NICN1: variants seen among roughly 807,000 people sequenced by gnomAD.
The protein encoded by NICN1 is nicolin-1.
A neutral mutation model predicts 26.3 loss-of-function variants in NICN1; 18 were observed. That is an observed-to-expected ratio of 0.68 (90% CI 0.47 to 1.01). The LOEUF (loss-of-function observed/expected upper bound fraction) is 1.01, where lower values mean the gene tolerates loss of function less well. NICN1 is among the 50% of genes least tolerant of loss of function. The pLI is 0.00. For synonymous variants in NICN1, 109 were observed against 111.0 expected, an observed-to-expected ratio of 0.98 and a Z score of 0.11; for missense variants, 239 against 278.3, an observed-to-expected ratio of 0.86 and a Z score of 1.00.
intron 1 of NICN1, among the ~76,000 whole-genome samples, chr3:49,426,865 G>A (rs2049174369): frequency 6.6e-6 from 1 of 152,082 alleles, no homozygotes; most frequent in Non-Finnish European, 1.5e-5. Context: ...CCTTCCTAAA[G>A]GTGCTCACAG....
At position 49,424,693 on chromosome 3, in the gene NICN1, T is replaced by C; in HGVS notation, c.*140A>G. The C allele has an allele frequency of 1.3e-6, 1 of 743,594 alleles. No individual in the cohort carries two copies. The highest frequency in any genetic ancestry group is 1.5e-5 in the South Asian group (1 of 65,424). 46.1% of individuals were successfully genotyped at this position (743,594 alleles called of 1,614,324 possible). A position where few individuals can be genotyped will look rare whatever the true frequency, so the allele number is the denominator to read the frequency against. Reference sequence around the variant, plus strand: ...TAACACGGTAAGCCCCTGAGAATCCTGAATCTGTGAATGTGGCCCAGACAG... The same window carrying C: ...TAACACGGTAAGCCCCTGAGAATCCCGAATCTGTGAATGTGGCCCAGACAG... On this transcript the variant is annotated 3_prime_UTR_variant, in exon 6 of 6. Transcript: ENST00000273598.
intron 3 of NICN1, 42 bp downstream of exon 3, chr3:49,425,841 T>G: frequency 9.0e-7 from 1 of 1,116,240 alleles, no homozygotes; most frequent in African/African-American, 1.5e-5. Flanking sequence ...CATAGAAGCT[T>G]TCTGGGGAAA....
In NICN1 at chr3:49,422,766, A is replaced by G. The variant is rs562256798; in HGVS notation, c.*2067T>C. 6.2e-6 allele frequency: 3 copies of G among 481,286 alleles called. No homozygotes were observed. Among genetic ancestry groups the G allele is most frequent in the African/African-American group, 5.9e-5 (3 of 51,182 alleles). The allele number at this position is 481,286 out of a possible 1,614,324, so 29.8% of individuals were successfully genotyped here. A position where few individuals can be genotyped will look rare whatever the true frequency, so the allele number is the denominator to read the frequency against. On this transcript the variant is annotated 3_prime_UTR_variant, in exon 6 of 6. Coordinates refer to ENST00000273598, the MANE Select transcript of NICN1 (RefSeq NM_032316.3). ...AACCGCCCTGTCTCCAGAGGGTCAA[A>G]GTTCTGGAAAGGGCTGAAAGGTCTG...
rs1370306594 is a variant in NICN1 at position 49,422,816 on chromosome 3, G to A, written c.*2017C>T. On this transcript the variant is annotated 3_prime_UTR_variant, in exon 6 of 6. Coordinates refer to ENST00000273598, the MANE Select transcript of NICN1 (RefSeq NM_032316.3). ...GAATCATACCTTTAGGACCTCAAGAGAGTAAGGTCAAGTGGGGGTGGGGAA... is the reference window on the plus strand; with the variant it reads ...GAATCATACCTTTAGGACCTCAAGAAAGTAAGGTCAAGTGGGGGTGGGGAA... 2 of 384,820 alleles carry A rather than the reference G, an allele frequency of 5.2e-6. No individual in the cohort carries two copies. Among genetic ancestry groups the A allele is most frequent in the East Asian group, 1.3e-4 (2 of 15,642 alleles). The allele number at this position is 384,820 out of a possible 1,614,324, so 23.8% of individuals were successfully genotyped here. A position where few individuals can be genotyped will look rare whatever the true frequency, so the allele number is the denominator to read the frequency against.
At chr3:49,425,331 A>G in intron 4 of NICN1, 36 bp downstream of exon 4, 1 of 1,563,440 alleles carries the variant, frequency 6.4e-7, no homozygotes, top group Non-Finnish European at 8.8e-7. Flanking sequence ...CACTAGAGCC[A>G]TTCACACATG....
chr3:49,422,440 G>A lies in NICN1; in HGVS notation c.*2393C>T. On this transcript the variant is annotated 3_prime_UTR_variant, in exon 6 of 6. Coordinates refer to ENST00000273598, the MANE Select transcript of NICN1 (RefSeq NM_032316.3). ...GCCCAGACGGGCCACCACACTTACA[G>A]CCCTCTGCATCGTCGCCTGCAACGA... 6.2e-7 allele frequency: 1 copy of A among 1,613,246 alleles called. No homozygotes were observed. The highest frequency in any genetic ancestry group is 2.2e-5 in the East Asian group (1 of 44,874).
In NICN1 at chr3:49,425,441, G is replaced by T; in HGVS notation, c.424-3C>A. 2 of 1,608,618 alleles carry T rather than the reference G, an allele frequency of 1.2e-6. No homozygotes were observed. Among genetic ancestry groups the T allele is most frequent in the Admixed American group, 1.7e-5 (1 of 59,216 alleles). On this transcript the variant is annotated splice_polypyrimidine_tract_variant and splice_region_variant and intron_variant, in intron 3 of 5. Transcript: ENST00000273598. ...TTGGGAAAGGTCACGGAGGGGCTCT[G>T]CAAAGCAAAGATGTACTGCCCTGAG...
Position 49,429,120 on chromosome 3 carries a change from G to C in NICN1, c.120C>G (p.Val40=). The stretch of plus-strand genomic sequence containing the variant: ...CAGGCTTGCTCACCTCGAAGGGAGC[G>C]ACGCTGGGGAAGGTGACATCGATGA... ...VLVIDVTFPS[V]APFELQEITF... is the part of the protein sequence containing the mutation. Residue 40 remains valine (V), a synonymous_variant, in exon 1 of 6, where the codon GTC becomes GTG. Transcript: ENST00000273598. The C allele has an allele frequency of 1.2e-6, 2 of 1,607,182 alleles. No homozygotes were observed. The highest frequency in any genetic ancestry group is 1.3e-5 in the African/African-American group (1 of 74,454).
intron 1 of NICN1, among the ~76,000 whole-genome samples, chr3:49,428,449 C>T (rs543821358): frequency 6.2e-4 from 94 of 151,800 alleles, no homozygotes; most frequent in Non-Finnish European, 1.0e-3. Flanking sequence ...TGGCCGGGTG[C>T]GGTGGCTCAA....
At position 49,422,642 on chromosome 3, in the gene NICN1, G is replaced by T. The variant is rs930117335; in HGVS notation, c.*2191C>A. The T allele has an allele frequency of 1.5e-5, 11 of 715,900 alleles. No individual in the cohort carries two copies. The highest frequency in any genetic ancestry group is 2.5e-5 in the Non-Finnish European group (10 of 399,878). The allele number at this position is 715,900 out of a possible 1,614,324, so 44.3% of individuals were successfully genotyped here. A position where few individuals can be genotyped will look rare whatever the true frequency, so the allele number is the denominator to read the frequency against. ...AGGAACCCGCAACCACAGGGAAGAA[G>T]CCTCCAGCTCTTTCGGCTGACTCTT... On this transcript the variant is annotated 3_prime_UTR_variant, in exon 6 of 6. Transcript: ENST00000273598.
At chr3:49,425,186 A>G in intron 4 of NICN1, 133 bp from the exon 5 acceptor site, 1 of 834,156 alleles carries the variant, frequency 1.2e-6, no homozygotes, top group Non-Finnish European at 2.0e-6. Flanking sequence ...ATGAAACATG[A>G]GGTTAGGGCC....
rs1218577867 is a variant in NICN1, at chr3:49,424,582, G to A, written c.*251C>T. 1 of 598,356 alleles carries A rather than the reference G, an allele frequency of 1.7e-6. No individual in the cohort carries two copies. Among genetic ancestry groups the A allele is most frequent in the Non-Finnish European group, 3.0e-6 (1 of 336,656 alleles). 37.1% of individuals were successfully genotyped at this position (598,356 alleles called of 1,614,324 possible). A position where few individuals can be genotyped will look rare whatever the true frequency, so the allele number is the denominator to read the frequency against. On this transcript the variant is annotated 3_prime_UTR_variant, in exon 6 of 6. Coordinates refer to ENST00000273598, the MANE Select transcript of NICN1 (RefSeq NM_032316.3). ...TCAGGGATTCTCAGTAAGTACAACT[G>A]ACTGGAGTGTTTTTGGGTAGAAGGA...
Position 49,422,855 on chromosome 3 carries a change from G to A in NICN1, c.*1978C>T. On this transcript the variant is annotated 3_prime_UTR_variant, in exon 6 of 6. Coordinates refer to ENST00000273598, the MANE Select transcript of NICN1 (RefSeq NM_032316.3). ...GGGGGTGGGGAAGGTGGGCCAGCCT[G>A]GCAGGTAGGCAGCACCACAGTAGTC... 2.8e-6 allele frequency: 1 copy of A among 359,204 alleles called. No homozygotes were observed. The highest frequency in any genetic ancestry group is 5.4e-6 in the Non-Finnish European group (1 of 183,502). 22.3% of individuals were successfully genotyped at this position (359,204 alleles called of 1,614,324 possible). A position where few individuals can be genotyped will look rare whatever the true frequency, so the allele number is the denominator to read the frequency against.
At chr3:49,425,342 G>T (rs745750636) in intron 4 of NICN1, 25 bp downstream of exon 4, 8 of 1,595,786 alleles carry the variant, frequency 5.0e-6, no homozygotes, top group Admixed American at 3.4e-5. Flanking sequence ...TTCACACATG[G>T]TTCTTACCTA....
chr3:49,425,016 T>C lies in NICN1; in HGVS notation c.533A>G (p.Gln178Arg). ...PDPSRVSSEV[Q>R]QMWALTEMIR... ...CATCTCTGTCAGTGCCCACATCTGCTGCACCTCGGAGGATACCCTGCTGGG... is the reference window on the plus strand; with the variant it reads ...CATCTCTGTCAGTGCCCACATCTGCCGCACCTCGGAGGATACCCTGCTGGG... Residue 178 changes from glutamine (Q) to arginine (R), a missense_variant, in exon 5 of 6, where the codon CAG becomes CGG. Transcript: ENST00000273598. 1.9e-6 allele frequency: 3 copies of C among 1,614,130 alleles called. No homozygotes were observed. Among genetic ancestry groups the C allele is most frequent in the Non-Finnish European group, 2.5e-6 (3 of 1,180,028 alleles).
intron 1 of NICN1, 66 bp from the exon 2 acceptor site, chr3:49,426,494 T>G (rs764753308): frequency 2.5e-6 from 3 of 1,201,108 alleles, no homozygotes; most frequent in Admixed American, 2.1e-5. Flanking sequence ...AGCTCAAAGA[T>G]CAAAGGTGCC....
Position 49,429,260 on chromosome 3 carries a change from A to T in NICN1, c.-21T>A. 2 of 1,578,512 alleles carry T rather than the reference A, an allele frequency of 1.3e-6. No individual in the cohort carries two copies. The highest frequency in any genetic ancestry group is 1.7e-6 in the Non-Finnish European group (2 of 1,159,858). On this transcript the variant is annotated 5_prime_UTR_variant, in exon 1 of 6. Transcript: ENST00000273598. ...GACATGGTGACAGCAGCCGCAACTA[A>T]GTGCAACCGCCGCTCTAGGCCCCCG...
chr3:49,427,058 A>G (rs1575312776), intron 1 of NICN1, among the ~76,000 whole-genome samples: 1 of 152,298 alleles, frequency 6.6e-6, no homozygotes, highest in African/African-American at 2.4e-5. Flanking sequence ...ACGGTGGCTC[A>G]AGCCTGTAAT....
At position 49,425,926 on chromosome 3, in the gene NICN1, G is replaced by T. The variant is rs750728722; in HGVS notation, c.380C>A (p.Ser127Tyr). Reference protein sequence around the residue: ...ILRQPSPLWLSFTVEELQIYQ... With the variant: ...ILRQPSPLWLYFTVEELQIYQ... ...GATCTGCAGCTCCTCCACTGTGAAAGACAGCCACAGTGGTGATGGCTGCCG... is the reference window on the plus strand; with the variant it reads ...GATCTGCAGCTCCTCCACTGTGAAATACAGCCACAGTGGTGATGGCTGCCG... The change falls in exon 3 of 6, where the codon TCT becomes TAT. Residue 127 changes from serine (S) to tyrosine (Y), a missense_variant. Coordinates refer to ENST00000273598, the MANE Select transcript of NICN1 (RefSeq NM_032316.3). 2 of 1,611,248 alleles carry T rather than the reference G, an allele frequency of 1.2e-6. No homozygotes were observed. The highest frequency in any genetic ancestry group is 1.7e-6 in the Non-Finnish European group (2 of 1,177,630).
Sources: gnomAD v4.1 joint callset for allele counts (sites outside exome capture counted in the v4.1 genomes callset) on GRCh38, gnomAD v4.1.1 for gene constraint, MANE v1.5 for transcripts, NCBI Gene and HGNC (gene_info 2026-07-23, HGNC 2026-07-21) for gene names.